AAGAB: variants seen among roughly 807,000 people sequenced by gnomAD.
AAGAB encodes the protein alpha and gamma adaptin binding protein, also known as alpha- and gamma-adaptin-binding protein p34.
AAGAB carries 38 observed loss-of-function variants against 44.1 expected under a neutral mutation model. The ratio of observed to expected loss-of-function variants is 0.86; its 90% CI spans 0.67 to 1.13. The LOEUF (loss-of-function observed/expected upper bound fraction) is 1.13, where lower values mean the gene tolerates loss of function less well. Among genes scored for constraint, AAGAB ranks in the 50% most tolerant of loss-of-function variants. The pLI is 0.00. For synonymous variants in AAGAB, 131 were observed against 131.8 expected (o/e 0.99, Z 0.04); for missense variants, 450 against 373.8 (o/e 1.20, Z -1.68).
intron 5 of AAGAB, among the ~76,000 whole-genome samples, chr15:67,214,010 C>T (rs1413410812): frequency 6.6e-6 from 1 of 152,108 alleles, no homozygotes; most frequent in Non-Finnish European, 1.5e-5. Context: ...ATAGCTGGAA[C>T]CAGAACTTGA....
At chr15:67,243,970 C>T (rs1445826596) in intron 1 of AAGAB, among the ~76,000 whole-genome samples, 1 of 151,972 alleles carries the variant, frequency 6.6e-6, no homozygotes, top group South Asian at 2.1e-4. Context: ...TAAGCCTAAA[C>T]AGGACAATTA....
intron 5 of AAGAB, among the ~76,000 whole-genome samples, chr15:67,219,623 A>T (rs756987818): frequency 6.6e-6 from 1 of 152,194 alleles, no homozygotes; most frequent in Non-Finnish European, 1.5e-5. Flanking sequence ...GCACATGGAC[A>T]AAAAGATTGG....
chr15:67,254,886 C>T (rs1371917254), upstream of AAGAB: 1 of 1,613,456 alleles, frequency 6.2e-7, no homozygotes, highest in Non-Finnish European at 8.5e-7. Flanking sequence ...TAGCCGTTCC[C>T]TGACCTAGCC....
At chr15:67,227,877 T>A (rs1358412007) in intron 5 of AAGAB, among the ~76,000 whole-genome samples, 2 of 152,162 alleles carry the variant, frequency 1.3e-5, no homozygotes, top group East Asian at 3.9e-4. Flanking sequence ...CTCTTAAACA[T>A]GAAATTAAGC....
At chr15:67,228,325 C>A (rs968955282) in intron 5 of AAGAB, among the ~76,000 whole-genome samples, 1 of 152,162 alleles carries the variant, frequency 6.6e-6, no homozygotes, top group African/African-American at 2.4e-5. Context: ...ATTTTTATAG[C>A]CTTCCTATGG....
At chr15:67,242,090 G>A (rs1223620472) in intron 1 of AAGAB, among the ~76,000 whole-genome samples, 1 of 152,152 alleles carries the variant, frequency 6.6e-6, no homozygotes, top group East Asian at 1.9e-4. Context: ...TCAAAACCTA[G>A]AGTTTTCATT....
chr15:67,246,427 A>T (rs540507151), intron 1 of AAGAB, among the ~76,000 whole-genome samples: 1 of 152,202 alleles, frequency 6.6e-6, no homozygotes, highest in South Asian at 2.1e-4. Context: ...CAGTTTCACA[A>T]CTGTCCTGGT....
intron 8 of AAGAB, 99 bp from the exon 9 acceptor site, chr15:67,203,696 T>A (rs1330178357): frequency 1.9e-6 from 2 of 1,045,740 alleles, no homozygotes; most frequent in Non-Finnish European, 2.9e-6. Flanking sequence ...TTCAAAGACA[T>A]GTTTATGATG....
intron 4 of AAGAB, chr15:67,232,302 G>T: frequency 5.8e-6 from 1 of 173,240 alleles, no homozygotes; most frequent in Non-Finnish European, 1.2e-5. Context: ...ATTTTCAAAT[G>T]ACTGTGGTTT....
Position 67,254,644 on chromosome 15 carries a change from G to GAGCCGGTTCCGTCAGGC in AAGAB, c.-30_-14dup, listed in dbSNP as rs1388610726. 6 of 1,600,396 alleles carry GAGCCGGTTCCGTCAGGC rather than the reference G, an allele frequency of 3.7e-6. No homozygotes were observed. The highest frequency in any genetic ancestry group is 1.7e-5 in the Admixed American group (1 of 58,278). ...CGCCAGCAGCCATAGCTGCGCTCGC[G>GAGCCGGTTCCGTCAGGC]AGCCGGTTCCGTCAGGCAGCCGCTT... On this transcript the variant is annotated 5_prime_UTR_variant, in exon 1 of 10. Coordinates refer to ENST00000261880, the MANE Select transcript of AAGAB (RefSeq NM_024666.5).
upstream of AAGAB, chr15:67,254,666 G>A (rs747120630): frequency 2.5e-6 from 4 of 1,585,918 alleles, no homozygotes; most frequent in Middle Eastern, 2.1e-4. Context: ...TCAGGCAGCC[G>A]CTTCCGCCTT....
rs201284578 is a variant in AAGAB, at chr15:67,208,609, C to T, written c.668G>A (p.Arg223Gln). The T allele has an allele frequency of 2.1e-4, 343 of 1,614,028 alleles. No homozygotes were observed. Among genetic ancestry groups the T allele is most frequent in the Non-Finnish European group, 2.8e-4 (327 of 1,180,030 alleles). Reference protein sequence around the residue: ...ADSTESLSDHRGGASNTTDAQ... With the variant: ...ADSTESLSDHQGGASNTTDAQ... The stretch of plus-strand genomic sequence containing the variant: ...ATCTGTTGTGTTAGATGCACCACCC[C>T]GATGATCAGAGAGGGATTCAGTACT... The change falls in exon 7 of 10, where the codon CGG becomes CAG. Residue 223 changes from arginine (R) to glutamine (Q), a missense_variant. Physicochemically the swap from Arg to Gln is conservative, Grantham distance 43. Coordinates refer to ENST00000261880, the MANE Select transcript of AAGAB (RefSeq NM_024666.5).
At chr15:67,237,506 A>G (rs1167886285) in intron 1 of AAGAB, among the ~76,000 whole-genome samples, 1 of 152,336 alleles carries the variant, frequency 6.6e-6, no homozygotes, top group South Asian at 2.1e-4. Flanking sequence ...TCTTTTGGAA[A>G]TCTATGTGCA....
chr15:67,215,490 T>C (rs974091358), intron 5 of AAGAB, among the ~76,000 whole-genome samples: 1 of 152,254 alleles, frequency 6.6e-6, no homozygotes, highest in Non-Finnish European at 1.5e-5. Context: ...TTCCTTAATG[T>C]AGCAATTATT....
chr15:67,255,012 G>T, upstream of AAGAB: 3 of 1,499,088 alleles, frequency 2.0e-6, no homozygotes, highest in Admixed American at 3.5e-5. Flanking sequence ...GAGGTCCCGC[G>T]CGCCGATTCA....
intron 5 of AAGAB, among the ~76,000 whole-genome samples, chr15:67,229,430 CT>C (rs1328525853): frequency 7.6e-6 from 1 of 131,090 alleles, no homozygotes; most frequent in Non-Finnish European, 1.6e-5. Context: ...GAGAGTCCGT[CT>C]TAAAAAAAAA....
At chr15:67,234,303 A>G (rs1046907869) in intron 4 of AAGAB, among the ~76,000 whole-genome samples, 36 of 152,188 alleles carry the variant, frequency 2.4e-4, no homozygotes, top group Admixed American at 2.0e-3. Context: ...CTCTACCAAG[A>G]TAAGTTTATC....
chr15:67,207,125 A>G (rs1963702993), intron 7 of AAGAB, among the ~76,000 whole-genome samples: 1 of 152,186 alleles, frequency 6.6e-6, no homozygotes, highest in Non-Finnish European at 1.5e-5. Context: ...AGGAAGCGAG[A>G]TTGCGGTGAG....
At chr15:67,202,985 A>C (rs1017980247) in intron 9 of AAGAB, 87 bp from the exon 10 acceptor site, 31 of 1,279,196 alleles carry the variant, frequency 2.4e-5, no homozygotes, top group Admixed American at 2.2e-4. Context: ...ACTGAGACCT[A>C]AAATTCTGCA....
Sources: allele counts gnomAD v4.1 joint callset (sites outside exome capture counted in the v4.1 genomes callset), GRCh38; gene constraint gnomAD v4.1.1; transcripts MANE v1.5; gene names NCBI Gene and HGNC (gene_info 2026-07-23, HGNC 2026-07-21).